SLC30A6: variants seen among roughly 807,000 people sequenced by gnomAD.
SLC30A6 encodes solute carrier family 30 member 6, also known as zinc transporter 6.
In SLC30A6, 55 loss-of-function variants were observed where a neutral mutation model predicts 63.0. The observed-to-expected ratio is 0.87, with a 90% CI of 0.70 to 1.09. SLC30A6 has a LOEUF of 1.09. SLC30A6 is among the 50% of genes least tolerant of loss of function. SLC30A6 has a pLI of 0.00. For missense variants in SLC30A6, 587 were observed against 549.2 expected, an observed-to-expected ratio of 1.07 and a Z score of -0.69; for synonymous variants, 224 against 186.1, an observed-to-expected ratio of 1.20 and a Z score of -1.66.
At chr2:32,219,626 G>A (rs981887273) in intron 13 of SLC30A6, among the ~76,000 whole-genome samples, 1 of 151,448 alleles carries the variant, frequency 6.6e-6, no homozygotes, top group Non-Finnish European at 1.5e-5. Context: ...AGTGGAGACT[G>A]GGTTTCACCA....
intron 11 of SLC30A6, among the ~76,000 whole-genome samples, chr2:32,205,539 T>G (rs1684680104): frequency 6.6e-6 from 1 of 152,124 alleles, no homozygotes; most frequent in Admixed American, 6.5e-5. Flanking sequence ...GACATTCATA[T>G]AGTCAGAACC....
intron 2 of SLC30A6, among the ~76,000 whole-genome samples, chr2:32,173,553 G>A (rs371233403): frequency 2.0e-5 from 3 of 151,984 alleles, no homozygotes; most frequent in Non-Finnish European, 4.4e-5. Flanking sequence ...TTTTGTTTTA[G>A]TAGAGACGGG....
Position 32,193,929 on chromosome 2 carries a change from A to C in SLC30A6, c.442A>C (p.Asn148His). Reference sequence around the variant, plus strand: ...TGGTACTTTTGTGGCTCTTTGTTTCAACCTGTTCACGATGCTTTCTATTCG... The same window carrying C: ...TGGTACTTTTGTGGCTCTTTGTTTCCACCTGTTCACGATGCTTTCTATTCG... The part of the protein sequence containing the change: ...LVGTFVALCF[N>H]LFTMLSIRNK... Residue 148 changes from asparagine to histidine, a missense_variant, in exon 8 of 14, where the codon AAC becomes CAC. Asn to His is a moderately conservative substitution (Grantham distance 68). Transcript: ENST00000282587. The C allele has an allele frequency of 3.7e-6, 6 of 1,613,604 alleles. No individual in the cohort carries two copies. The highest frequency in any genetic ancestry group is 5.1e-6 in the Non-Finnish European group (6 of 1,179,756).
At chr2:32,172,918 A>G (rs140248227) in intron 2 of SLC30A6, among the ~76,000 whole-genome samples, 72 of 152,290 alleles carry the variant, frequency 4.7e-4, no homozygotes, top group African/African-American at 1.7e-3. Flanking sequence ...GAAAACTTCT[A>G]CATCCTATCA....
chr2:32,192,263 G>A, intron 5 of SLC30A6, 73 bp from the exon 6 acceptor site: 5 of 1,372,098 alleles, frequency 3.6e-6, no homozygotes, highest in Non-Finnish European at 5.2e-6. Context: ...ATAAATGAAT[G>A]TAAATGTGTT....
chr2:32,170,707 T>G (rs1474678930), intron 1 of SLC30A6, among the ~76,000 whole-genome samples: 2 of 152,166 alleles, frequency 1.3e-5, no homozygotes, highest in Admixed American at 6.6e-5. Flanking sequence ...CAAGAGATTC[T>G]CACGCCTCAG....
At chr2:32,178,660 A>G (rs1474451251) in intron 4 of SLC30A6, among the ~76,000 whole-genome samples, 1 of 152,198 alleles carries the variant, frequency 6.6e-6, no homozygotes, top group Non-Finnish European at 1.5e-5. Flanking sequence ...CCTGGACAAC[A>G]GAGTGAGACT....
At position 32,184,281 on chromosome 2, in the gene SLC30A6, C is replaced by T; in HGVS notation, c.227C>T (p.Thr76Ile). The T allele has an allele frequency of 6.5e-7, 1 of 1,533,266 alleles. No individual in the cohort carries two copies. Among genetic ancestry groups the T allele is most frequent in the Non-Finnish European group, 8.8e-7 (1 of 1,131,868 alleles). The allele number at this position is 1,533,266 out of a possible 1,614,324, so 95.0% of individuals were successfully genotyped here. ...TTTTTCTTTTTACTTAGTTTAATGA[C>T]ATGTTTAATAAGTTACTGGGTAACA... ...LTIFDLFSLM[T>I]CLISYWVTLR... Residue 76 changes from threonine (T) to isoleucine (I), a missense_variant, in exon 5 of 14, where the codon ACA (threonine) becomes ATA (isoleucine). Transcript: ENST00000282587.
At chr2:32,168,574 A>AAG (rs1316581307) in intron 1 of SLC30A6, among the ~76,000 whole-genome samples, 7 of 152,156 alleles carry the variant, frequency 4.6e-5, no homozygotes, top group African/African-American at 1.7e-4. Flanking sequence ...GGCATAAAAA[A>AAG]CACTATAGTT....
intron 10 of SLC30A6, among the ~76,000 whole-genome samples, chr2:32,200,095 C>A (rs1047725685): frequency 3.9e-5 from 6 of 151,904 alleles, no homozygotes; most frequent in East Asian, 1.9e-4. Flanking sequence ...CACACACACA[C>A]AAATATAAAA....
chr2:32,181,937 T>TC (rs1385733993), intron 4 of SLC30A6, among the ~76,000 whole-genome samples: 7 of 147,952 alleles, frequency 4.7e-5, no homozygotes, highest in African/African-American at 1.2e-4. Flanking sequence ...TCTTTTCTTT[T>TC]TTTTTTTTTT....
intron 12 of SLC30A6, among the ~76,000 whole-genome samples, chr2:32,207,811 C>G (rs926065390): frequency 6.3e-5 from 9 of 143,508 alleles, no homozygotes; most frequent in Non-Finnish European, 1.0e-4. Context: ...AGTGATTCTT[C>G]TGCCTCAGCC....
chr2:32,223,525 G>A lies in SLC30A6; in HGVS notation c.*2812G>A, dbSNP rs1267476230. The A allele has an allele frequency of 6.6e-6, 1 of 152,200 alleles. No homozygotes were observed. The highest frequency in any genetic ancestry group is 6.5e-5 in the Admixed American group (1 of 15,292). 9.4% of individuals were successfully genotyped at this position (152,200 alleles called of 1,614,324 possible). ...TCTGTAAAATAATCAGCTTCAAAAC[G>A]TTATGGCTAAATCTGTAGAATGTAT... On this transcript the variant is annotated 3_prime_UTR_variant, in exon 14 of 14. Coordinates refer to ENST00000282587, the MANE Select transcript of SLC30A6 (RefSeq NM_017964.5).
chr2:32,212,562 C>G (rs212690), intron 13 of SLC30A6, among the ~76,000 whole-genome samples: 109,355 of 142,638 alleles, frequency 0.77, 41,299 homozygotes, highest in African/African-American at 0.83. Flanking sequence ...TTCTGGCTTT[C>G]TTCCTCTCTG....
intron 1 of SLC30A6, 148 bp downstream of exon 1, chr2:32,166,051 C>CA: frequency 8.7e-7 from 1 of 1,150,828 alleles, no homozygotes; most frequent in Non-Finnish European, 1.3e-6. Flanking sequence ...GGCTGTCTCC[C>CA]AAAATGTTCC....
intron 13 of SLC30A6, among the ~76,000 whole-genome samples, chr2:32,211,019 A>T (rs1004646725): frequency 2.6e-5 from 4 of 152,120 alleles, no homozygotes; most frequent in African/African-American, 9.7e-5. Context: ...AGCTTTAGAG[A>T]TCTACCCACC....
intron 10 of SLC30A6, chr2:32,202,312 A>C (rs2148877380): frequency 4.7e-6 from 2 of 425,024 alleles, no homozygotes; most frequent in South Asian, 5.2e-5. Context: ...AAAGACTCCA[A>C]AGAGATCAAG....
intron 13 of SLC30A6, among the ~76,000 whole-genome samples, chr2:32,216,030 T>C (rs1685675110): frequency 6.6e-6 from 1 of 152,152 alleles, no homozygotes; most frequent in African/African-American, 2.4e-5. Flanking sequence ...TCCAAGTACA[T>C]GTGTCTTTTT....
intron 7 of SLC30A6, among the ~76,000 whole-genome samples, chr2:32,193,329 C>G (rs1445666242): frequency 6.6e-6 from 1 of 152,040 alleles, no homozygotes; most frequent in Non-Finnish European, 1.5e-5. Context: ...AATCCCAGCA[C>G]TTTGGGAGGC....
Sources: allele counts gnomAD v4.1 joint callset (sites outside exome capture counted in the v4.1 genomes callset), GRCh38; gene constraint gnomAD v4.1.1; transcripts MANE v1.5; gene names NCBI Gene and HGNC (gene_info 2026-07-23, HGNC 2026-07-21).